NCAM1: variants seen among roughly 807,000 people sequenced by gnomAD.
NCAM1 encodes neural cell adhesion molecule 1.
Under a neutral mutation model 109.8 loss-of-function variants are expected in NCAM1, and 14 were observed. That is an observed-to-expected ratio of 0.13 (90% confidence interval 0.08 to 0.20). The LOEUF (loss-of-function observed/expected upper bound fraction) is 0.20. Among genes scored for constraint, NCAM1 ranks in the 10% least tolerant of loss-of-function variants. NCAM1 has a pLI of 1.00. For synonymous variants in NCAM1, 418 were observed against 442.9 expected, an observed-to-expected ratio of 0.94 and a Z score of 0.70; for missense variants, 774 against 1,109.9, an observed-to-expected ratio of 0.70 and a Z score of 4.30.
intron 1 of NCAM1, among the ~76,000 whole-genome samples, chr11:113,081,042 T>C (rs1335424080): frequency 1.3e-5 from 2 of 152,230 alleles, no homozygotes; most frequent in Non-Finnish European, 2.9e-5. Context: ...ATAAATCACT[T>C]TCACATATGC....
chr11:113,268,503 G>A (rs1401590533), intron 17 of NCAM1, among the ~76,000 whole-genome samples: 3 of 152,196 alleles, frequency 2.0e-5, no homozygotes, highest in Non-Finnish European at 4.4e-5. Flanking sequence ...ACATGTACGA[G>A]CTGCACCCAG....
intron 1 of NCAM1, among the ~76,000 whole-genome samples, chr11:113,144,264 G>A (rs1245131): frequency 0.32 from 48,653 of 151,976 alleles, 8,617 homozygotes; most frequent in East Asian, 0.58. Flanking sequence ...TTCCTCGTGT[G>A]ATTATAACTG....
chr11:113,210,560 C>T (rs563021906), intron 7 of NCAM1, among the ~76,000 whole-genome samples: 1 of 152,096 alleles, frequency 6.6e-6, no homozygotes, highest in African/African-American at 2.4e-5. Flanking sequence ...CAACTCAGCC[C>T]TGACTTGGCT....
intron 1 of NCAM1, among the ~76,000 whole-genome samples, chr11:113,139,023 T>C (rs933776187): frequency 6.6e-6 from 1 of 152,198 alleles, no homozygotes; most frequent in African/African-American, 2.4e-5. Flanking sequence ...CACTTCACCA[T>C]TGGGGAATTA....
intron 1 of NCAM1, among the ~76,000 whole-genome samples, chr11:112,971,248 C>CTCTG (rs1285281149): frequency 6.6e-6 from 1 of 151,782 alleles, no homozygotes; most frequent in African/African-American, 2.4e-5. Flanking sequence ...CTCTCTCTGT[C>CTCTG]TCTGTCTCTC....
At chr11:113,006,778 C>T (rs533020425) in intron 1 of NCAM1, among the ~76,000 whole-genome samples, 7 of 152,256 alleles carry the variant, frequency 4.6e-5, no homozygotes, top group Admixed American at 3.3e-4. Context: ...CTGGGAGTTC[C>T]GAGCTGTCAC....
At chr11:113,248,167 G>A (rs1945555931) in intron 15 of NCAM1, among the ~76,000 whole-genome samples, 1 of 149,874 alleles carries the variant, frequency 6.7e-6, no homozygotes. Flanking sequence ...GTTTTCTGCA[G>A]TTGCCGTAGA....
intron 8 of NCAM1, among the ~76,000 whole-genome samples, chr11:113,219,993 T>C (rs1591430337): frequency 1.3e-5 from 2 of 152,246 alleles, no homozygotes; most frequent in African/African-American, 4.8e-5. Flanking sequence ...TCTTACTAAA[T>C]GTTTGCTAAC....
chr11:113,159,864 A>G (rs1259543277), intron 1 of NCAM1, among the ~76,000 whole-genome samples: 1 of 91,362 alleles, frequency 1.1e-5, no homozygotes, highest in Non-Finnish European at 2.0e-5. Flanking sequence ...CCCTCCCCCC[A>G]CCCCACAACA....
intron 18 of NCAM1, 78 bp downstream of exon 18, chr11:113,270,473 G>T (rs150026270): frequency 6.6e-6 from 9 of 1,354,302 alleles, no homozygotes; most frequent in Non-Finnish European, 9.4e-6. Context: ...ACCACCCTGC[G>T]CCATCAGCTG....
At chr11:112,969,432 G>A (rs1024454841) in intron 1 of NCAM1, among the ~76,000 whole-genome samples, 1 of 152,124 alleles carries the variant, frequency 6.6e-6, no homozygotes, top group Non-Finnish European at 1.5e-5. Context: ...TACATGCCAA[G>A]CAAACAGGAA....
chr11:112,971,913 G>A (rs191119660), intron 1 of NCAM1, among the ~76,000 whole-genome samples: 275 of 152,238 alleles, frequency 1.8e-3, no homozygotes, highest in South Asian at 8.3e-3. Flanking sequence ...CCCAACTGTG[G>A]TATATTTTTT....
chr11:113,232,432 C>A (rs1384384088), intron 11 of NCAM1, 78 bp downstream of exon 11: 25 of 1,393,300 alleles, frequency 1.8e-5, no homozygotes, highest in Non-Finnish European at 2.2e-5. Flanking sequence ...CAGCTCAAGT[C>A]CTCTCTCCTG....
intron 1 of NCAM1, 75 bp from the exon 2 acceptor site, chr11:113,202,304 G>C: frequency 1.8e-5 from 25 of 1,383,824 alleles, no homozygotes; most frequent in Non-Finnish European, 2.5e-5. Flanking sequence ...TTGAACATTG[G>C]AATGTACGTT....
At chr11:113,251,102 C>A (rs186254601) in intron 15 of NCAM1, among the ~76,000 whole-genome samples, 12 of 152,326 alleles carry the variant, frequency 7.9e-5, no homozygotes, top group Middle Eastern at 3.4e-3. Flanking sequence ...TGCCCAGCCC[C>A]AGATAGAGGC....
intron 1 of NCAM1, among the ~76,000 whole-genome samples, chr11:113,059,989 C>T (rs1419268650): frequency 6.6e-6 from 1 of 152,112 alleles, no homozygotes; most frequent in East Asian, 1.9e-4. Context: ...GGGTGTTTTG[C>T]TTAAGAGACA....
chr11:113,212,215 C>T (rs1399275405), intron 7 of NCAM1, among the ~76,000 whole-genome samples: 1 of 152,164 alleles, frequency 6.6e-6, no homozygotes, highest in Admixed American at 6.5e-5. Flanking sequence ...TCTAAGGTGG[C>T]ATCTGAGCTT....
chr11:113,227,334 G>A lies in NCAM1; in HGVS notation c.1090-4311G>A, dbSNP rs1408034398. Among the ~76,000 whole-genome samples the A allele has an allele frequency of 9.2e-4, 140 of 152,116 alleles. 6 individuals are homozygous for A. The East Asian group carries it at 0.026, about 28-fold the overall frequency. On this transcript the variant is annotated intron_variant, in intron 9 of 19. Coordinates refer to ENST00000316851, the MANE Select transcript of NCAM1 (RefSeq NM_181351.5). ...TGCAAATAAACTAGAAAATCTAGAA[G>A]AAATGGATAAATTCCTGGACACATA... is the stretch of plus-strand genomic sequence containing the variant.
At chr11:113,238,661 A>G (rs1454862383) in intron 14 of NCAM1, among the ~76,000 whole-genome samples, 1 of 152,212 alleles carries the variant, frequency 6.6e-6, no homozygotes, top group Admixed American at 6.5e-5. Context: ...ACTTAGGTAG[A>G]CAGAACCAAC....
Sources: allele counts gnomAD v4.1 joint callset (sites outside exome capture counted in the v4.1 genomes callset), GRCh38; gene constraint gnomAD v4.1.1; transcripts MANE v1.5; gene names NCBI Gene and HGNC (gene_info 2026-07-23, HGNC 2026-07-21).